The following RBFOX1 variants were observed in gnomAD, a reference collection of about 807,000 sequenced individuals.
RBFOX1 encodes the protein RNA binding fox-1 homolog 1, also known as RNA binding protein fox-1 homolog 1.
Under a neutral mutation model 57.7 loss-of-function variants are expected in RBFOX1, and 8 were observed. The observed-to-expected ratio is 0.14, with a 90% CI of 0.08 to 0.25. The LOEUF (loss-of-function observed/expected upper bound fraction) is 0.25. Ranked by LOEUF, RBFOX1 falls within the 10% of genes least tolerant of loss-of-function variation. RBFOX1 has a pLI of 1.00. For synonymous variants in RBFOX1, 326 were observed against 222.4 expected (o/e 1.47, Z -4.15); for missense variants, 611 against 548.5 (o/e 1.11, Z -1.14).
At chr16:7,402,653 T>C (rs903541308) in intron 4 of RBFOX1, among the ~76,000 whole-genome samples, 1 of 152,198 alleles carries the variant, frequency 6.6e-6, no homozygotes, top group African/African-American at 2.4e-5. Flanking sequence ...GAGACTCCCC[T>C]CTGTTAATTA....
chr16:5,900,179 T>G (rs997446162), intron 4 of RBFOX1, among the ~76,000 whole-genome samples: 14 of 152,200 alleles, frequency 9.2e-5, no homozygotes, highest in African/African-American at 3.4e-4. Flanking sequence ...CTAAGCTTTC[T>G]CATTACACTC....
chr16:7,580,588 T>C (rs1602394818), intron 6 of RBFOX1, among the ~76,000 whole-genome samples: 2 of 152,322 alleles, frequency 1.3e-5, no homozygotes, highest in South Asian at 2.1e-4. Flanking sequence ...CCAGGCACCA[T>C]GGTGAAACAC....
At chr16:7,086,530 A>G (rs1458313852) in intron 4 of RBFOX1, among the ~76,000 whole-genome samples, 1 of 152,212 alleles carries the variant, frequency 6.6e-6, no homozygotes, top group Non-Finnish European at 1.5e-5. Flanking sequence ...ACAATTTAAA[A>G]TGGATTAAAA....
chr16:6,700,312 C>G (rs543469914), intron 3 of RBFOX1, among the ~76,000 whole-genome samples: 1 of 151,516 alleles, frequency 6.6e-6, no homozygotes, highest in Non-Finnish European at 1.5e-5. Flanking sequence ...GTATAACATG[C>G]TTACATAAAT....
At chr16:7,320,662 G>T (rs893809174) in intron 4 of RBFOX1, among the ~76,000 whole-genome samples, 7 of 152,238 alleles carry the variant, frequency 4.6e-5, no homozygotes, top group African/African-American at 1.7e-4. Context: ...TTGAAGGTCA[G>T]TCGGTAGTAA....
intron 4 of RBFOX1, among the ~76,000 whole-genome samples, chr16:7,279,209 G>C (rs1207255191): frequency 1.3e-5 from 2 of 151,512 alleles, no homozygotes; most frequent in Non-Finnish European, 2.9e-5. Context: ...CTTACACAGA[G>C]GAAGCTTCAG....
Position 5,815,398 on chromosome 16 carries a change from C to A in RBFOX1, c.319-51905C>A, listed in dbSNP as rs114813781. 9.1e-3 allele frequency among the ~76,000 whole-genome samples: 1,378 copies of A among 152,076 alleles called. 22 individuals are homozygous for A. Among genetic ancestry groups the A allele is most frequent in the African/African-American group, 0.031 (1,282 of 41,470 alleles). ...CCCAGTGGTCAGTAGCTGGCCAGGG[C>A]CTGACTTCAGATCCCATGATTAGAA... On this transcript the variant is annotated intron_variant, in intron 3 of 19. Coordinates refer to the RBFOX1 transcript ENST00000641259.
At chr16:7,298,310 A>T in intron 4 of RBFOX1, among the ~76,000 whole-genome samples, 1 of 108,338 alleles carries the variant, frequency 9.2e-6, no homozygotes, top group South Asian at 3.0e-4. Flanking sequence ...TTTTTTTGAG[A>T]TATACTCACT....
intron 3 of RBFOX1, among the ~76,000 whole-genome samples, chr16:6,742,084 ATGT>A (rs1471868632): frequency 3.3e-5 from 5 of 152,188 alleles, no homozygotes; most frequent in Admixed American, 3.3e-4. Context: ...TCAAAACATC[ATGT>A]TGTACGTGAT....
intron 3 of RBFOX1, among the ~76,000 whole-genome samples, chr16:5,806,534 G>T (rs542117452): frequency 6.6e-6 from 1 of 152,224 alleles, no homozygotes; most frequent in Non-Finnish European, 1.5e-5. Context: ...TAATGAGGAT[G>T]AACTTTCAAC....
intron 4 of RBFOX1, among the ~76,000 whole-genome samples, chr16:7,244,895 C>A (rs1224952360): frequency 6.6e-6 from 1 of 152,174 alleles, no homozygotes; most frequent in Non-Finnish European, 1.5e-5. Flanking sequence ...AGCTCCGTAT[C>A]CCAAGTGAAG....
chr16:6,525,113 A>G (rs1459891507), intron 2 of RBFOX1, among the ~76,000 whole-genome samples: 2 of 152,176 alleles, frequency 1.3e-5, no homozygotes, highest in African/African-American at 2.4e-5. Context: ...AAACTGTAAA[A>G]CAGAGATATT....
intron 4 of RBFOX1, among the ~76,000 whole-genome samples, chr16:7,222,114 G>C (rs973523222): frequency 1.3e-5 from 2 of 152,186 alleles, no homozygotes; most frequent in Non-Finnish European, 2.9e-5. Flanking sequence ...AAAGGCAGTG[G>C]TGAGGATTTC....
chr16:5,645,756 C>T (rs1344230911), intron 3 of RBFOX1, among the ~76,000 whole-genome samples: 1 of 152,202 alleles, frequency 6.6e-6, no homozygotes, highest in Non-Finnish European at 1.5e-5. Context: ...GCCTCAATCT[C>T]CTGGCCTTAA....
intron 2 of RBFOX1, among the ~76,000 whole-genome samples, chr16:6,649,221 A>G (rs181244104): frequency 3.3e-5 from 5 of 152,136 alleles, no homozygotes; most frequent in Non-Finnish European, 7.3e-5. Flanking sequence ...AGCTCATTCA[A>G]CTTAACACAG....
At chr16:6,728,668 A>C (rs1047934329) in intron 3 of RBFOX1, among the ~76,000 whole-genome samples, 2 of 152,178 alleles carry the variant, frequency 1.3e-5, no homozygotes, top group Non-Finnish European at 2.9e-5. Flanking sequence ...GAATAATTCA[A>C]ATAGCAATAA....
chr16:7,219,795 A>T (rs1045312796), intron 4 of RBFOX1, among the ~76,000 whole-genome samples: 4 of 152,186 alleles, frequency 2.6e-5, no homozygotes, highest in African/African-American at 4.8e-5. Context: ...TTTGTTCTCT[A>T]TGTTTGTGAT....
In RBFOX1 at chr16:6,456,619, T is replaced by G. The variant is rs374237634; in HGVS notation, c.-64+139562T>G. Among the ~76,000 whole-genome samples, 9 of 152,032 alleles carry G rather than the reference T, an allele frequency of 5.9e-5. No individual in the cohort carries two copies. In the East Asian group the frequency reaches 1.3e-3, roughly 23 times the overall value. On this transcript the variant is annotated intron_variant, in intron 2 of 15. Transcript: ENST00000550418. ...TTTAGAAAGATAACTCTCCCTGCAG[T>G]GTGGAGAATGGATTGCGGTGGAAGG...
chr16:5,784,247 C>G (rs1279357847), intron 3 of RBFOX1, among the ~76,000 whole-genome samples: 1 of 152,100 alleles, frequency 6.6e-6, no homozygotes, highest in Admixed American at 6.5e-5. Context: ...TGGTGAAACC[C>G]CGTCTCTACT....
Sources: allele counts gnomAD v4.1 joint callset (sites outside exome capture counted in the v4.1 genomes callset), GRCh38; gene constraint gnomAD v4.1.1; transcripts MANE v1.5; gene names NCBI Gene and HGNC (gene_info 2026-07-23, HGNC 2026-07-21).